The following OTOGL variants were observed in gnomAD, a reference collection of about 807,000 sequenced individuals.
OTOGL encodes otogelin like, also known as otogelin-like protein.
A neutral mutation model predicts 318.5 loss-of-function variants in OTOGL; 285 were observed. The ratio of observed to expected loss-of-function variants is 0.89; its 90% CI spans 0.81 to 0.99. The LOEUF (loss-of-function observed/expected upper bound fraction) is 0.99. OTOGL is among the 50% of genes least tolerant of loss of function. The pLI is 0.00. For missense variants in OTOGL, 2,899 were observed against 2,845.6 expected (o/e 1.02, Z -0.43); for synonymous variants, 987 against 936.5 (o/e 1.05, Z -0.99).
Position 80,352,392 on chromosome 12 carries a change from A to G in OTOGL, c.5363A>G (p.Asn1788Ser), listed in dbSNP as rs1245431024. 1 of 1,612,432 alleles carries G rather than the reference A, an allele frequency of 6.2e-7. No individual in the cohort carries two copies. The highest frequency in any genetic ancestry group is 8.5e-7 in the Non-Finnish European group (1 of 1,178,972). The change falls in exon 45 of 59, where the codon AAC becomes AGC. Residue 1788 changes from asparagine (N) to serine (S), a missense_variant. By Grantham distance (46) the Asn-to-Ser change is conservative. This residue lies in a region of OTOGL where 2,607 missense variants were observed against 2,524.9 expected (regional missense o/e 1.03). Coordinates refer to ENST00000547103, the MANE Select transcript of OTOGL (RefSeq NM_001378609.3). The part of the protein sequence containing the change: ...DALSAYVALC[N>S]KFDICIQWRT... ...CTTTCTGCATATGTGGCTCTGTGCA[A>G]CAAGTTTGATATCTGTATTCAGTGG...
chr12:80,180,099 C>T (rs1181379572), intron 1 of OTOGL, among the ~76,000 whole-genome samples: 1 of 152,110 alleles, frequency 6.6e-6, no homozygotes, highest in East Asian at 1.9e-4. Context: ...CACGATGAAC[C>T]TGCAGATTGC....
intron 1 of OTOGL, among the ~76,000 whole-genome samples, chr12:80,111,772 A>C (rs1439857732): frequency 6.6e-6 from 1 of 152,164 alleles, no homozygotes; most frequent in East Asian, 1.9e-4. Context: ...AGTTGCTTCT[A>C]ATTCTGTGAA....
chr12:80,270,068 T>G, intron 22 of OTOGL, 34 bp from the exon 23 acceptor site: 1 of 1,490,154 alleles, frequency 6.7e-7, no homozygotes, highest in African/African-American at 1.4e-5. Flanking sequence ...ACAACAGATT[T>G]GGTTCCATAA....
intron 55 of OTOGL, among the ~76,000 whole-genome samples, chr12:80,369,735 A>G (rs868509021): frequency 3.9e-5 from 6 of 151,996 alleles, no homozygotes; most frequent in African/African-American, 1.2e-4. Context: ...ATTTAAAGTA[A>G]AATCTATGAG....
At chr12:80,214,433 G>C (rs754561835) in intron 4 of OTOGL, among the ~76,000 whole-genome samples, 6 of 152,170 alleles carry the variant, frequency 3.9e-5, no homozygotes, top group Non-Finnish European at 7.3e-5. Context: ...CTCCAGGAAG[G>C]CACTTTCTAT....
At chr12:80,166,072 T>C (rs1356429734) in intron 1 of OTOGL, among the ~76,000 whole-genome samples, 1 of 152,186 alleles carries the variant, frequency 6.6e-6, no homozygotes, top group Non-Finnish European at 1.5e-5. Context: ...TATATTTTCA[T>C]ACATTTTCCT....
intron 1 of OTOGL, among the ~76,000 whole-genome samples, chr12:80,111,600 G>T (rs1281322203): frequency 6.6e-6 from 1 of 152,084 alleles, no homozygotes; most frequent in Non-Finnish European, 1.5e-5. Context: ...CTGTTCCATT[G>T]GTCTATATAT....
intron 1 of OTOGL, among the ~76,000 whole-genome samples, chr12:80,110,397 TC>T (rs1210683136): frequency 1.3e-5 from 2 of 152,092 alleles, no homozygotes; most frequent in African/African-American, 4.8e-5. Flanking sequence ...ATGCTATCCC[TC>T]CCCTTGCTCC....
chr12:80,301,976 C>T lies in OTOGL; in HGVS notation c.3064-658C>T, dbSNP rs541151190. Among the ~76,000 whole-genome samples the T allele has an allele frequency of 7.2e-5, 11 of 152,314 alleles. No individual in the cohort carries two copies. The East Asian group carries it at 2.1e-3, about 29-fold the overall frequency. ...AAACTAGCTGAATTTCTTTTCCCTT[C>T]TTCACAATTTCACAGATAGAAGATT... is the stretch of plus-strand genomic sequence containing the variant. On this transcript the variant is annotated intron_variant, in intron 27 of 58. Coordinates refer to ENST00000547103, the MANE Select transcript of OTOGL (RefSeq NM_001378609.3).
chr12:80,292,190 G>T (rs1885090715), intron 26 of OTOGL, among the ~76,000 whole-genome samples: 1 of 152,140 alleles, frequency 6.6e-6, no homozygotes, highest in Non-Finnish European at 1.5e-5. Context: ...GTTTCTCCAT[G>T]TTGGTCAGGC....
chr12:80,155,236 C>A (rs1423962318), intron 1 of OTOGL, among the ~76,000 whole-genome samples: 1 of 152,188 alleles, frequency 6.6e-6, no homozygotes, highest in East Asian at 1.9e-4. Flanking sequence ...TTTGTCTTCT[C>A]ATTCTCTTTA....
chr12:80,295,742 T>C (rs1885348775), intron 26 of OTOGL, among the ~76,000 whole-genome samples: 3 of 152,224 alleles, frequency 2.0e-5, no homozygotes, highest in Admixed American at 6.5e-5. Context: ...ATGTACTTTC[T>C]TCCTAGAAAA....
chr12:80,370,618 A>T lies in OTOGL; in HGVS notation c.6664A>T (p.Thr2222Ser). The change falls in exon 56 of 59, where the codon ACT (threonine) becomes TCT (serine). Residue 2222 changes from threonine (T) to serine (S), a missense_variant. Coordinates refer to ENST00000547103, the MANE Select transcript of OTOGL (RefSeq NM_001378609.3). ...TTGCACCACATATGAATGTGTTAAAACTGATGAAGGAGCAATAATTCTGAA... is the reference window on the plus strand; with the variant it reads ...TTGCACCACATATGAATGTGTTAAATCTGATGAAGGAGCAATAATTCTGAA... The part of the protein sequence containing the change: ...YNCTTYECVK[T>S]DEGAIILNYT... 2 of 1,588,702 alleles carry T rather than the reference A, an allele frequency of 1.3e-6. No homozygotes were observed. The highest frequency in any genetic ancestry group is 1.7e-6 in the Non-Finnish European group (2 of 1,165,114).
intron 1 of OTOGL, among the ~76,000 whole-genome samples, chr12:80,144,598 A>T (rs1163173019): frequency 1.3e-5 from 2 of 151,922 alleles, no homozygotes; most frequent in African/African-American, 4.8e-5. Flanking sequence ...GTCAAATGGT[A>T]TTTCTAGTTC....
At chr12:80,108,396 T>C (rs942227122) in intron 1 of OTOGL, among the ~76,000 whole-genome samples, 2 of 152,064 alleles carry the variant, frequency 1.3e-5, no homozygotes, top group South Asian at 2.1e-4. Flanking sequence ...GTTTTTTTAT[T>C]TTTAAACACA....
intron 1 of OTOGL, among the ~76,000 whole-genome samples, chr12:80,193,958 A>G (rs1875872637): frequency 6.6e-6 from 1 of 152,216 alleles, no homozygotes; most frequent in African/African-American, 2.4e-5. Flanking sequence ...ATTCTGTTGT[A>G]TCAGTGGAGT....
At chr12:80,229,463 A>G in intron 8 of OTOGL, 85 bp downstream of exon 8, 1 of 1,440,664 alleles carries the variant, frequency 6.9e-7, no homozygotes, top group Non-Finnish European at 9.5e-7. Context: ...TGAACTGTGG[A>G]GAGTAGGAAG....
In OTOGL at chr12:80,368,203, A is replaced by C. The variant is rs765315830; in HGVS notation, c.6511-2A>C. The C allele has an allele frequency of 1.5e-5, 23 of 1,579,190 alleles. No homozygotes were observed. The Middle Eastern group carries it at 5.0e-4, about 34-fold the overall frequency. On this transcript the variant is annotated splice_acceptor_variant, in intron 54 of 58. Coordinates refer to ENST00000547103, the MANE Select transcript of OTOGL (RefSeq NM_001378609.3). LOFTEE classifies it high-confidence loss of function. ...TCGCTAATCTAATATCATTATATGC[A>C]GCACCAGGTATATACTCCATCCCCA...
At chr12:80,366,186 G>A (rs568908238) in intron 52 of OTOGL, 1 of 225,850 alleles carries the variant, frequency 4.4e-6, no homozygotes, top group African/African-American at 2.3e-5. Context: ...AGCCAGGATT[G>A]GTGCAAAGGC....
Sources: allele counts gnomAD v4.1 joint callset (sites outside exome capture counted in the v4.1 genomes callset), GRCh38; gene constraint gnomAD v4.1.1; regional missense constraint gnomAD v4.1.1; transcripts MANE v1.5; gene names NCBI Gene and HGNC (gene_info 2026-07-23, HGNC 2026-07-21).